DTX2: variants seen among roughly 807,000 people sequenced by gnomAD.
DTX2 encodes the protein deltex E3 ubiquitin ligase 2, also known as probable E3 ubiquitin-protein ligase DTX2.
In DTX2, 29 loss-of-function variants were observed where a neutral mutation model predicts 55.3. The ratio of observed to expected loss-of-function variants is 0.52; its 90% CI spans 0.39 to 0.71. DTX2 has a LOEUF of 0.71. Among genes scored for constraint, DTX2 ranks in the 30% least tolerant of loss-of-function variants. The probability of loss-of-function intolerance (pLI) is 0.00; values close to 1 mark genes in which losing one functional copy is unlikely to be tolerated. For missense variants in DTX2, 537 were observed against 822.5 expected, an observed-to-expected ratio of 0.65 and a Z score of 4.25; for synonymous variants, 276 against 340.4, an observed-to-expected ratio of 0.81 and a Z score of 2.08.
intron 2 of DTX2, among the ~76,000 whole-genome samples, chr7:76,471,796 C>A (rs1184342312): frequency 6.6e-6 from 1 of 151,408 alleles, no homozygotes; most frequent in East Asian, 1.9e-4. Context: ...TTCTGACTGG[C>A]TGCAGGTGGT....
intron 2 of DTX2, among the ~76,000 whole-genome samples, chr7:76,464,157 TTAGAGGGAAGGTCAGGAAGGC>T (rs1240958084): frequency 6.6e-6 from 1 of 151,370 alleles, no homozygotes; most frequent in Non-Finnish European, 1.5e-5. Context: ...AAGGGGACGG[TTAGAGGGAAGGTCAGGAAGGC>T]TCCTGGAAGG....
intron 2 of DTX2, chr7:76,472,215 T>C (rs976645835): frequency 6.6e-6 from 1 of 151,162 alleles, no homozygotes; most frequent in Admixed American, 6.6e-5. Context: ...CTGATATTAG[T>C]GAAACTACAC....
In DTX2 at chr7:76,478,471, C is replaced by G. The variant is rs1177260141; in HGVS notation, c.-89-1950C>G. The stretch of plus-strand genomic sequence containing the variant: ...CCTCTTGTCACCGAGGCTGGAGTGC[C>G]TTGGGATTATAGCTCACTGCAGCCT... On this transcript the variant is annotated intron_variant, in intron 2 of 10. Transcript: ENST00000430490. Among the ~76,000 whole-genome samples the G allele has an allele frequency of 4.1e-5, 6 of 147,162 alleles. No individual in the cohort carries two copies. In the South Asian group the frequency reaches 6.7e-4, roughly 16 times the overall value.
chr7:76,479,840 G>A (rs1431925877), intron 2 of DTX2, among the ~76,000 whole-genome samples: 4 of 149,942 alleles, frequency 2.7e-5, no homozygotes, highest in Non-Finnish European at 4.4e-5. Flanking sequence ...ATTATCAGTA[G>A]CAAGAAAGAA....
At chr7:76,491,031 C>T (rs1280829172) in intron 4 of DTX2, among the ~76,000 whole-genome samples, 43 of 110,334 alleles carry the variant, frequency 3.9e-4, no homozygotes, top group African/African-American at 1.5e-3. Context: ...GAGTTTCTCT[C>T]TGTTGCCCAG....
At chr7:76,481,071 G>A (rs1362500291) in intron 3 of DTX2, among the ~76,000 whole-genome samples, 2 of 152,262 alleles carry the variant, frequency 1.3e-5, no homozygotes, top group Non-Finnish European at 2.9e-5. Context: ...TGGAGGTGGT[G>A]CGTCATAGGA....
intron 4 of DTX2, among the ~76,000 whole-genome samples, chr7:76,486,759 G>A (rs1809943258): frequency 7.5e-6 from 1 of 132,480 alleles, no homozygotes; most frequent in Non-Finnish European, 1.7e-5. Context: ...TCAGCGAGGT[G>A]AAGCCTGTGG....
chr7:76,465,647 C>T (rs1227749835), intron 2 of DTX2, among the ~76,000 whole-genome samples: 4 of 149,766 alleles, frequency 2.7e-5, no homozygotes, highest in Non-Finnish European at 5.9e-5. Flanking sequence ...GTGGCGCCAT[C>T]CTGGCTCACT....
chr7:76,476,842 C>T (rs1431561496), intron 2 of DTX2: 1 of 151,102 alleles, frequency 6.6e-6, no homozygotes, highest in African/African-American at 2.4e-5. Context: ...TCTGGAGTCT[C>T]CAGTACCCTC....
intron 6 of DTX2, chr7:76,499,986 C>T (rs1056071661): frequency 1.3e-5 from 5 of 370,706 alleles, no homozygotes; most frequent in Admixed American, 1.3e-4. Flanking sequence ...CATGCTGGAC[C>T]CCAGACTCCC....
At chr7:76,469,361 T>TA (rs1554631125) in intron 2 of DTX2, among the ~76,000 whole-genome samples, 18,913 of 61,824 alleles carry the variant, frequency 0.31, 573 homozygotes, top group South Asian at 0.36. Flanking sequence ...GAAATCTAGA[T>TA]TTTTTTTTTT....
chr7:76,498,591 G>A (rs1308046106), intron 6 of DTX2, among the ~76,000 whole-genome samples: 1 of 111,746 alleles, frequency 8.9e-6, no homozygotes, highest in East Asian at 3.1e-4. Context: ...TGCTGTGCCC[G>A]GCCTCACCAG....
At chr7:76,464,816 G>A (rs1243466970) in intron 2 of DTX2, among the ~76,000 whole-genome samples, 1 of 150,972 alleles carries the variant, frequency 6.6e-6, no homozygotes, top group Non-Finnish European at 1.5e-5. Flanking sequence ...GGAGAGGCAG[G>A]TGAGTGGTTT....
At position 76,503,360 on chromosome 7, in the gene DTX2, G is replaced by A. The variant is rs570283968; in HGVS notation, c.1390-66G>A. ...TTCCCGGGGCCCTTTACCATCTGAC[G>A]GTGGAGGTGACGGTCTTGGGTGTTC... On this transcript the variant is annotated intron_variant, in intron 8 of 10. Coordinates refer to ENST00000430490, the MANE Select transcript of DTX2 (RefSeq NM_001102594.3). 1,119 of 1,544,618 alleles carry A rather than the reference G, an allele frequency of 7.2e-4. 6 individuals are homozygous for A. In the African/African-American group the frequency reaches 0.013, roughly 18 times the overall value.
At position 76,505,844 on chromosome 7, in the gene DTX2, C is replaced by T; in HGVS notation, c.*243C>T. 1 of 598,124 alleles carries T rather than the reference C, an allele frequency of 1.7e-6. No homozygotes were observed. The highest frequency in any genetic ancestry group is 2.0e-5 in the South Asian group (1 of 50,110). 37.1% of individuals were successfully genotyped at this position (598,124 alleles called of 1,614,324 possible). ...ATGCAGCTACCTCAGTGCGCAGGGCCCGTCTGTCCTCTGGGGGCTGCTTCG... is the reference window on the plus strand; with the variant it reads ...ATGCAGCTACCTCAGTGCGCAGGGCTCGTCTGTCCTCTGGGGGCTGCTTCG... On this transcript the variant is annotated 3_prime_UTR_variant, in exon 11 of 11. Coordinates refer to ENST00000430490, the MANE Select transcript of DTX2 (RefSeq NM_001102594.3). The surrounding 1 kb of genome is among the most constrained non-coding windows in gnomAD (Gnocchi z 4.4).
chr7:76,476,748 T>TACC (rs1808585435), intron 2 of DTX2, among the ~76,000 whole-genome samples: 2 of 151,732 alleles, frequency 1.3e-5, no homozygotes, highest in Admixed American at 1.3e-4. Flanking sequence ...CTTTCTAGAA[T>TACC]TAGATGTAGG....
rs765101680 is a variant in DTX2, at chr7:76,502,382, G to A, written c.1315G>A (p.Val439Met). 2 of 1,612,658 alleles carry A rather than the reference G, an allele frequency of 1.2e-6. No individual in the cohort carries two copies. Among genetic ancestry groups the A allele is most frequent in the Non-Finnish European group, 1.7e-6 (2 of 1,179,916 alleles). ...TDSKAIGSLA[V>M]GHLTKCSHAF... Reference sequence around the variant, plus strand: ...CAGCAAGGCAATCGGGTCCCTAGCTGTGGGCCACCTCACCAAGTGCAGCCA... The same window carrying A: ...CAGCAAGGCAATCGGGTCCCTAGCTATGGGCCACCTCACCAAGTGCAGCCA... The change falls in exon 8 of 11, where the codon GTG becomes ATG. Residue 439 changes from valine (V) to methionine (M), a missense_variant. Val to Met is a conservative substitution (Grantham distance 21). This residue lies in a region of DTX2 where 121 missense variants were observed against 136.8 expected (regional missense o/e 0.88). Transcript: ENST00000430490.
At chr7:76,474,372 G>A (rs1808307884) in intron 2 of DTX2, among the ~76,000 whole-genome samples, 1 of 152,042 alleles carries the variant, frequency 6.6e-6, no homozygotes, top group South Asian at 2.1e-4. Flanking sequence ...CATGTTGACG[G>A]ACAGCATATA....
intron 8 of DTX2, 95 bp downstream of exon 8, chr7:76,502,551 G>A: frequency 7.2e-7 from 1 of 1,380,734 alleles, no homozygotes; most frequent in Non-Finnish European, 9.8e-7. Context: ...GGTGGCTGTA[G>A]GAATGGGCCT....
Sources: gnomAD v4.1 joint callset for allele counts (sites outside exome capture counted in the v4.1 genomes callset) on GRCh38, gnomAD v4.1.1 for gene constraint, gnomAD v4.1.1 regional missense constraint, Gnocchi (gnomAD v3.1) non-coding constraint, MANE v1.5 for transcripts, NCBI Gene and HGNC (gene_info 2026-07-23, HGNC 2026-07-21) for gene names.